CACNA2D4: variants seen among roughly 807,000 people sequenced by gnomAD.
The protein encoded by CACNA2D4 is calcium voltage-gated channel auxiliary subunit alpha2delta 4, also known as voltage-dependent calcium channel subunit alpha-2/delta-4.
Under a neutral mutation model 163.8 loss-of-function variants are expected in CACNA2D4, and 157 were observed. The ratio of observed to expected loss-of-function variants is 0.96; its 90% CI spans 0.84 to 1.09. The LOEUF (loss-of-function observed/expected upper bound fraction) is 1.09. Ranked by LOEUF, CACNA2D4 falls within the 50% of genes least tolerant of loss-of-function variation. CACNA2D4 has a pLI of 0.00. For missense variants in CACNA2D4, 1,410 were observed against 1,479.9 expected (o/e 0.95, Z 0.78); for synonymous variants, 598 against 586.9 (o/e 1.02, Z -0.27).
chr12:1,810,906 G>A (rs1178422135), intron 27 of CACNA2D4, among the ~76,000 whole-genome samples: 1 of 152,192 alleles, frequency 6.6e-6, no homozygotes, highest in Admixed American at 6.5e-5. Context: ...TGCTGCATTC[G>A]GCAGGCCCTG....
chr12:1,911,733 G>A (rs1190989533), intron 3 of CACNA2D4, among the ~76,000 whole-genome samples: 1 of 152,184 alleles, frequency 6.6e-6, no homozygotes. Context: ...CCCAGCCTCT[G>A]GGGGTGTCTC....
At chr12:1,879,992 C>T in intron 13 of CACNA2D4, 111 bp from the exon 14 acceptor site, 8 of 632,888 alleles carry the variant, frequency 1.3e-5, no homozygotes, top group Admixed American at 8.2e-5. Context: ...AATTATCCAG[C>T]GTCACCTTCC....
intron 6 of CACNA2D4, among the ~76,000 whole-genome samples, chr12:1,893,325 G>A (rs1000160572): frequency 6.6e-6 from 1 of 152,078 alleles, no homozygotes; most frequent in African/African-American, 2.4e-5. Context: ...AGATCAGCCT[G>A]GCCAAGATGG....
intron 6 of CACNA2D4, among the ~76,000 whole-genome samples, chr12:1,888,562 G>A (rs1990233): frequency 2.6e-5 from 4 of 151,914 alleles, no homozygotes; most frequent in Non-Finnish European, 4.4e-5. Flanking sequence ...ATAATACAAA[G>A]AACATACAAG....
intron 26 of CACNA2D4, among the ~76,000 whole-genome samples, chr12:1,823,776 T>C (rs1864206705): frequency 6.6e-6 from 1 of 152,182 alleles, no homozygotes; most frequent in Admixed American, 6.5e-5. Flanking sequence ...ATCAGGGCAA[T>C]GGGGACAAAA....
At chr12:1,803,410 GC>G (rs1863404741) in intron 29 of CACNA2D4, among the ~76,000 whole-genome samples, 1 of 152,218 alleles carries the variant, frequency 6.6e-6, no homozygotes, top group African/African-American at 2.4e-5. Context: ...CCAATATGGG[GC>G]CACAGGTCCC....
intron 6 of CACNA2D4, among the ~76,000 whole-genome samples, chr12:1,887,703 AT>A (rs1270971803): frequency 6.6e-6 from 1 of 152,242 alleles, no homozygotes; most frequent in Non-Finnish European, 1.5e-5. Context: ...TAATAAAAAA[AT>A]TTGTATAGAT....
chr12:1,880,407 GC>G (rs1865969341), intron 13 of CACNA2D4, among the ~76,000 whole-genome samples: 1 of 152,382 alleles, frequency 6.6e-6, no homozygotes, highest in South Asian at 2.1e-4. Context: ...GGGCTTCGGG[GC>G]CGTTCCTAGG....
At chr12:1,881,541 G>A (rs116164248) in intron 13 of CACNA2D4, among the ~76,000 whole-genome samples, 3 of 152,256 alleles carry the variant, frequency 2.0e-5, no homozygotes, top group African/African-American at 7.2e-5. Context: ...CTCCTGCTGG[G>A]CTGGCTACTG....
intron 26 of CACNA2D4, chr12:1,823,297 C>G (rs771524130): frequency 6.6e-6 from 1 of 152,384 alleles, no homozygotes; most frequent in Non-Finnish European, 1.5e-5. Context: ...CTGGAGGTTT[C>G]TAGCTAGAGT....
intron 9 of CACNA2D4, among the ~76,000 whole-genome samples, 158 bp downstream of exon 9, chr12:1,885,807 G>A (rs919791830): frequency 2.0e-5 from 3 of 152,132 alleles, no homozygotes; most frequent in Admixed American, 6.5e-5. Context: ...TTTACAGGGC[G>A]GTTCCCTGGG....
At chr12:1,807,849 C>G (rs760830171) in intron 29 of CACNA2D4, among the ~76,000 whole-genome samples, 7 of 152,086 alleles carry the variant, frequency 4.6e-5, no homozygotes, top group Non-Finnish European at 7.4e-5. Context: ...GAGCGGGGGC[C>G]CCAGCAGGAG....
intron 26 of CACNA2D4, among the ~76,000 whole-genome samples, chr12:1,816,791 C>G (rs978024764): frequency 6.6e-6 from 1 of 152,172 alleles, no homozygotes; most frequent in Non-Finnish European, 1.5e-5. Context: ...TATATGCACA[C>G]ACGGACACAC....
chr12:1,811,530 G>T, intron 27 of CACNA2D4, 132 bp downstream of exon 27: 1 of 900,028 alleles, frequency 1.1e-6, no homozygotes, highest in African/African-American at 1.7e-5. Flanking sequence ...GAGGGGCTGA[G>T]AAGTGTAGGG....
chr12:1,850,244 G>A (rs1865243271), intron 23 of CACNA2D4, among the ~76,000 whole-genome samples: 1 of 152,198 alleles, frequency 6.6e-6, no homozygotes, highest in African/African-American at 2.4e-5. Flanking sequence ...ACACTGACAA[G>A]CTCAGGTGGC....
In CACNA2D4 at chr12:1,799,595, C is replaced by T. The variant is rs1863241607; in HGVS notation, c.2995+80G>A. 9.7e-6 allele frequency: 14 copies of T among 1,443,328 alleles called. No homozygotes were observed. Among genetic ancestry groups the T allele is most frequent in the Non-Finnish European group, 1.2e-5 (13 of 1,049,512 alleles). 89.4% of individuals were successfully genotyped at this position (1,443,328 alleles called of 1,614,324 possible). On this transcript the variant is annotated intron_variant, in intron 34 of 37. Coordinates refer to ENST00000382722, the MANE Select transcript of CACNA2D4 (RefSeq NM_172364.5). The surrounding 1 kb of genome is among the most constrained non-coding windows in gnomAD (Gnocchi z 4.7). ...GCTTGGGGTCATTCCTGGGACAGGT[C>T]ATGGAGGGTGGGTTCTTTGTAGCTC...
chr12:1,886,016 G>A lies in CACNA2D4; in HGVS notation c.1017C>T (p.Ile339=), dbSNP rs182502291. 1.3e-5 allele frequency: 21 copies of A among 1,613,536 alleles called. No homozygotes were observed. The East Asian group carries it at 1.3e-4, about 10-fold the overall frequency. ...CGAGGATCCCTTTAAAACAAGGCTCGATGTAATGGACGTAGTCATTGTACT... is the reference window on the plus strand; with the variant it reads ...CGAGGATCCCTTTAAAACAAGGCTCAATGTAATGGACGTAGTCATTGTACT... ...IIAYNDYVHY[I]EPCFKGILVQ... Residue 339 remains isoleucine, a synonymous_variant, in exon 9 of 38, where the codon ATC becomes ATT. Coordinates refer to ENST00000382722, the MANE Select transcript of CACNA2D4 (RefSeq NM_172364.5).
chr12:1,888,073 A>G lies in CACNA2D4; in HGVS notation c.782-1004T>C, dbSNP rs188000421. Among the ~76,000 whole-genome samples the G allele has an allele frequency of 8.9e-4, 135 of 152,316 alleles. 1 individual carries two copies. The highest frequency in any genetic ancestry group is 3.1e-3 in the African/African-American group (127 of 41,572). The stretch of plus-strand genomic sequence containing the variant: ...AGCACCCAAAGCCTTGAAGGTGGGA[A>G]GCAGAGCCATGGGAGTGTGGTGTGA... On this transcript the variant is annotated intron_variant, in intron 6 of 37. Transcript: ENST00000382722.
chr12:1,801,746 G>A (rs572822344), intron 29 of CACNA2D4, 102 bp from the exon 30 acceptor site: 2 of 747,810 alleles, frequency 2.7e-6, no homozygotes, highest in Admixed American at 2.9e-5. Flanking sequence ...CGAGGCTTTT[G>A]GTGCCAGTTG....
Sources: allele counts gnomAD v4.1 joint callset (sites outside exome capture counted in the v4.1 genomes callset), GRCh38; gene constraint gnomAD v4.1.1; non-coding constraint Gnocchi (gnomAD v3.1); transcripts MANE v1.5; gene names NCBI Gene and HGNC (gene_info 2026-07-23, HGNC 2026-07-21).